The following ARL10 variants were observed in gnomAD, a reference collection of about 807,000 sequenced individuals.
ARL10 encodes the protein ADP-ribosylation factor-like protein 10.
A neutral mutation model predicts 26.1 loss-of-function variants in ARL10; 23 were observed. The observed-to-expected ratio is 0.88, with a 90% CI of 0.63 to 1.25. The LOEUF is 1.25. Among genes scored for constraint, ARL10 ranks in the 50% most tolerant of loss-of-function variants. The pLI is 0.00. For synonymous variants in ARL10, 138 were observed against 149.1 expected, an observed-to-expected ratio of 0.93 and a Z score of 0.54; for missense variants, 300 against 323.6, an observed-to-expected ratio of 0.93 and a Z score of 0.56.
rs1755512938 is a variant in ARL10, at chr5:176,379,973, A to AT, written c.*8082dup. 6.6e-6 allele frequency: 1 copy of AT among 152,114 alleles called. No homozygotes were observed. Among genetic ancestry groups the AT allele is most frequent in the African/African-American group, 2.4e-5 (1 of 41,408 alleles). 9.4% of individuals were successfully genotyped at this position (152,114 alleles called of 1,614,324 possible). A position where few individuals can be genotyped will look rare whatever the true frequency, so the allele number is the denominator to read the frequency against. On this transcript the variant is annotated 3_prime_UTR_variant, in exon 4 of 4. Coordinates refer to ENST00000310389, the MANE Select transcript of ARL10 (RefSeq NM_173664.6). ...TCAATTTTCCAGTACGTTTTTGAGT[A>AT]TTTTCTCTTGGATTAGTTAAGTCTT... is the stretch of plus-strand genomic sequence containing the variant.
chr5:176,396,604 G>T, intron 1 of ARL10: 1 of 1,065,814 alleles, frequency 9.4e-7, no homozygotes. Context: ...CAGGCAGAAG[G>T]TTAGAGAGAG....
Position 176,379,847 on chromosome 5 carries a change from G to T in ARL10, c.*7952G>T, listed in dbSNP as rs11956308. On this transcript the variant is annotated 3_prime_UTR_variant, in exon 4 of 4. Coordinates refer to ENST00000310389, the MANE Select transcript of ARL10 (RefSeq NM_173664.6). Reference sequence around the variant, plus strand: ...TGGTCTTTAGTATCCTCAGGCTGTTGCCATTCTGCTCCTGCTGTCAATTTT... The same window carrying T: ...TGGTCTTTAGTATCCTCAGGCTGTTTCCATTCTGCTCCTGCTGTCAATTTT... The T allele has an allele frequency of 0.47, 71,027 of 151,942 alleles. 17,014 individuals carry two copies. The highest frequency in any genetic ancestry group is 0.64 in the East Asian group (3,285 of 5,158). The allele number at this position is 151,942 out of a possible 1,614,324, so 9.4% of individuals were successfully genotyped here.
Position 176,368,245 on chromosome 5 carries a change from G to A in ARL10, c.386-562G>A, listed in dbSNP as rs1186055930. Reference sequence around the variant, plus strand: ...CATTTCCAAGGGAAAAGAAGGGGATGGGGGAAACTGAATGGAGAATGGCTG... The same window carrying A: ...CATTTCCAAGGGAAAAGAAGGGGATAGGGGAAACTGAATGGAGAATGGCTG... On this transcript the variant is annotated intron_variant, in intron 2 of 3. Transcript: ENST00000310389. This position sits in a 1 kb window ranked among gnomAD's most constrained non-coding sequence, Gnocchi z 4.1. Among the ~76,000 whole-genome samples, 1 of 152,158 alleles carries A rather than the reference G, an allele frequency of 6.6e-6. No homozygotes were observed. The highest frequency in any genetic ancestry group is 1.5e-5 in the Non-Finnish European group (1 of 68,036).
the ARL10 span, among the ~76,000 whole-genome samples, chr5:176,408,343 T>C: frequency 1.3e-5 from 2 of 151,814 alleles, no homozygotes; most frequent in Non-Finnish European, 2.9e-5. Flanking sequence ...GAGACCAGCC[T>C]GGCCAACATG....
downstream of ARL10, chr5:176,388,936 C>T (rs764165420): frequency 6.2e-7 from 1 of 1,614,098 alleles, no homozygotes; most frequent in South Asian, 1.1e-5. Context: ...AGGAAAAGTT[C>T]GTTCGCAAGA....
chr5:176,411,434 TGGAAGG>T, the ARL10 span, among the ~76,000 whole-genome samples: 3 of 152,328 alleles, frequency 2.0e-5, no homozygotes, highest in East Asian at 5.8e-4. Context: ...TCCCTCTGCC[TGGAAGG>T]CTGCTCCCTC....
chr5:176,398,153 A>C, intron 1 of ARL10: 1 of 942,594 alleles, frequency 1.1e-6, no homozygotes, highest in Non-Finnish European at 1.7e-6. Flanking sequence ...AGCCTCAAAC[A>C]ACCTCATACC....
chr5:176,404,818 C>T (rs574078617), downstream of ARL10, among the ~76,000 whole-genome samples: 272 of 152,330 alleles, frequency 1.8e-3, 1 homozygote, highest in African/African-American at 6.4e-3. Context: ...TGGCTTTGCA[C>T]ATGCTCTTCC....
chr5:176,387,054 T>G (rs1755904825), intron 1 of ARL10: 3 of 646,738 alleles, frequency 4.6e-6, no homozygotes, highest in Non-Finnish European at 8.2e-6. Flanking sequence ...ACTAATGCCC[T>G]GGAGGCTTTT....
Position 176,366,548 on chromosome 5 carries a change from C to G in ARL10, c.352C>G (p.Pro118Ala). The change falls in exon 2 of 4, where the codon CCC becomes GCC. Residue 118 changes from proline to alanine, a missense_variant. Coordinates refer to ENST00000310389, the MANE Select transcript of ARL10 (RefSeq NM_173664.6). Reference sequence around the variant, plus strand: ...CTGGGGCTTCAACTCCGTGCGTCTGCCCACCAAGGACTTTGAGGTGGACCT... The same window carrying G: ...CTGGGGCTTCAACTCCGTGCGTCTGGCCACCAAGGACTTTGAGGTGGACCT... ...PTWGFNSVRLPTKDFEVDLLE... is the reference protein window; with the variant it reads ...PTWGFNSVRLATKDFEVDLLE... The G allele has an allele frequency of 1.2e-6, 2 of 1,614,142 alleles. No homozygotes were observed. Among genetic ancestry groups the G allele is most frequent in the Non-Finnish European group, 1.7e-6 (2 of 1,180,036 alleles).
chr5:176,407,302 T>C, the ARL10 span, among the ~76,000 whole-genome samples: 2 of 152,096 alleles, frequency 1.3e-5, no homozygotes, highest in African/African-American at 2.4e-5. Flanking sequence ...CAGCTCAGAG[T>C]GTTCTAGGTA....
Position 176,375,110 on chromosome 5 carries a change from C to CCCTCCATCCG in ARL10, c.*3215_*3216insCCTCCATCCG, listed in dbSNP as rs1768648347. ...CATCCATCCATCCATCCATCCATCC[C>CCCTCCATCCG]TCCATCCGTCCACCCGTCCACCCGT... is the stretch of plus-strand genomic sequence containing the variant. On this transcript the variant is annotated 3_prime_UTR_variant, in exon 4 of 4. Transcript: ENST00000310389. 3 of 49,064 alleles carry CCCTCCATCCG rather than the reference C, an allele frequency of 6.1e-5. No homozygotes were observed. Among genetic ancestry groups the CCCTCCATCCG allele is most frequent in the African/African-American group, 1.2e-4 (2 of 16,374 alleles). The allele number at this position is 49,064 out of a possible 1,614,324, so 3.0% of individuals were successfully genotyped here. A position where few individuals can be genotyped will look rare whatever the true frequency, so the allele number is the denominator to read the frequency against.
At chr5:176,396,622 G>C in intron 1 of ARL10, 18 of 864,060 alleles carry the variant, frequency 2.1e-5, no homozygotes, top group Non-Finnish European at 2.7e-5. Flanking sequence ...GAGAGAGAGA[G>C]ACAGCATTAG....
In ARL10 at chr5:176,396,549, AG is replaced by A. The variant is rs745926137; in HGVS notation, c.134-5189del. ...TCAGCGATCCTTGAGGGAAAGGTTGAGGGAAGGGGTTAGGTGGGGGAAGGCA... is the reference window on the plus strand; with the variant it reads ...TCAGCGATCCTTGAGGGAAAGGTTGAGGAAGGGGTTAGGTGGGGGAAGGCA... On this transcript the variant is annotated intron_variant, in intron 1 of 1. Transcript: ENST00000514533. 11 of 1,609,294 alleles carry A rather than the reference AG, an allele frequency of 6.8e-6. No individual in the cohort carries two copies. The African/African-American group carries it at 1.2e-4, about 18-fold the overall frequency.
At chr5:176,407,658 G>C in the ARL10 span, 2 of 152,226 alleles carry the variant, frequency 1.3e-5, no homozygotes, top group African/African-American at 4.8e-5. Flanking sequence ...TGCACTTTAG[G>C]ACACAGAACT....
intron 3 of ARL10, chr5:176,369,328 G>T (rs1768450886): frequency 1.5e-5 from 11 of 750,900 alleles, no homozygotes; most frequent in South Asian, 3.5e-5. Flanking sequence ...CACCTCCCGG[G>T]TTCAAGCAAT....
chr5:176,366,090 G>A (rs570358954), intron 1 of ARL10, among the ~76,000 whole-genome samples: 1 of 152,190 alleles, frequency 6.6e-6, no homozygotes, highest in African/African-American at 2.4e-5. Flanking sequence ...CGCCTGCGCA[G>A]TGCACCCCGC....
downstream of ARL10, chr5:176,389,587 CTCCTT>C (rs1756177622): frequency 2.7e-5 from 38 of 1,382,748 alleles, no homozygotes; most frequent in Non-Finnish European, 3.7e-5. Flanking sequence ...ACTCCCTCCT[CTCCTT>C]TGAGAGGCCC....
intron 1 of ARL10, chr5:176,388,185 G>T (rs1198102240): frequency 7.3e-7 from 1 of 1,369,016 alleles, no homozygotes; most frequent in Non-Finnish European, 1.0e-6. Flanking sequence ...GGTCAGTATG[G>T]CGGGGGAAGA....
Sources: allele counts gnomAD v4.1 joint callset (sites outside exome capture counted in the v4.1 genomes callset), GRCh38; gene constraint gnomAD v4.1.1; non-coding constraint Gnocchi (gnomAD v3.1); transcripts MANE v1.5; gene names NCBI Gene and HGNC (gene_info 2026-07-23, HGNC 2026-07-21).